The following MDGA2 variants were observed in gnomAD, a reference collection of about 807,000 sequenced individuals.
MDGA2 encodes MAM domain containing glycosylphosphatidylinositol anchor 2.
Under a neutral mutation model 117.8 loss-of-function variants are expected in MDGA2, and 40 were observed. That is an observed-to-expected ratio of 0.34 (90% confidence interval 0.26 to 0.44). The LOEUF is 0.44. Among genes scored for constraint, MDGA2 ranks in the 20% least tolerant of loss-of-function variants. The pLI, the probability that MDGA2 is intolerant of heterozygous loss-of-function variation, is 1.00. For synonymous variants in MDGA2, 452 were observed against 439.0 expected (o/e 1.03, Z -0.37); for missense variants, 1,123 against 1,250.6 (o/e 0.90, Z 1.54).
In MDGA2 at chr14:47,377,770, G is replaced by T. The variant is rs138130424; in HGVS notation, c.281-76220C>A. ...TCAAGGAGGTATGCCCGCCTCTGTAGACTCTAGATCTGGGGGCAGGGCATA... is the reference window on the plus strand; with the variant it reads ...TCAAGGAGGTATGCCCGCCTCTGTATACTCTAGATCTGGGGGCAGGGCATA... On this transcript the variant is annotated intron_variant, in intron 1 of 16. Coordinates refer to ENST00000399232, the MANE Select transcript of MDGA2 (RefSeq NM_001113498.3). 2.1e-3 allele frequency among the ~76,000 whole-genome samples: 316 copies of T among 152,302 alleles called. 1 individual carries two copies. The highest frequency in any genetic ancestry group is 7.1e-3 in the African/African-American group (297 of 41,574).
At chr14:47,050,418 C>T (rs1889416252) in intron 7 of MDGA2, among the ~76,000 whole-genome samples, 1 of 152,008 alleles carries the variant, frequency 6.6e-6, no homozygotes, top group Non-Finnish European at 1.5e-5. Context: ...CTTTGAAATA[C>T]TTCAGCATAT....
chr14:47,329,003 G>T (rs1342800971), intron 1 of MDGA2, among the ~76,000 whole-genome samples: 2 of 152,250 alleles, frequency 1.3e-5, no homozygotes, highest in East Asian at 3.9e-4. Flanking sequence ...AAACTTAATT[G>T]CCTATTTAAT....
chr14:47,132,419 G>A (rs1382298331), intron 4 of MDGA2, among the ~76,000 whole-genome samples: 4 of 151,878 alleles, frequency 2.6e-5, no homozygotes, highest in African/African-American at 7.2e-5. Context: ...AGAAGCATTC[G>A]TGAGTGTTTC....
intron 10 of MDGA2, among the ~76,000 whole-genome samples, chr14:46,898,336 A>G (rs1382716981): frequency 6.6e-6 from 1 of 152,056 alleles, no homozygotes; most frequent in Non-Finnish European, 1.5e-5. Flanking sequence ...GAATATTGAA[A>G]AATAAAATTG....
intron 8 of MDGA2, 25 bp from the exon 9 acceptor site, chr14:46,957,668 G>C: frequency 6.2e-7 from 1 of 1,611,268 alleles, no homozygotes; most frequent in Non-Finnish European, 8.5e-7. Context: ...TGTAAAAACA[G>C]ATGAAAGATG....
At chr14:47,464,144 C>CAGAGCCTCT (rs1400550661) in intron 1 of MDGA2, among the ~76,000 whole-genome samples, 2 of 149,032 alleles carry the variant, frequency 1.3e-5, no homozygotes, top group Admixed American at 6.7e-5. Flanking sequence ...CACACACACA[C>CAGAGCCTCT]AGAGCCTCTG....
intron 8 of MDGA2, among the ~76,000 whole-genome samples, chr14:47,011,677 T>G (rs1027177876): frequency 6.6e-5 from 10 of 152,034 alleles, no homozygotes; most frequent in African/African-American, 1.9e-4. Context: ...AAATGCATAT[T>G]TGTAATAGGC....
At chr14:47,339,986 AAAT>A (rs1374994669) in intron 1 of MDGA2, among the ~76,000 whole-genome samples, 1 of 152,148 alleles carries the variant, frequency 6.6e-6, no homozygotes, top group Non-Finnish European at 1.5e-5. Flanking sequence ...TAGTCCTAAA[AAAT>A]AATAATAGAA....
At chr14:47,498,337 C>T (rs1392950009) in intron 1 of MDGA2, among the ~76,000 whole-genome samples, 1 of 152,168 alleles carries the variant, frequency 6.6e-6, no homozygotes, top group East Asian at 1.9e-4. Flanking sequence ...TAATTATATG[C>T]ATTGCAACTT....
intron 1 of MDGA2, among the ~76,000 whole-genome samples, chr14:47,418,652 T>G (rs12885287): frequency 6.6e-6 from 1 of 152,122 alleles, no homozygotes; most frequent in African/African-American, 2.4e-5. Flanking sequence ...ATATAAATTT[T>G]GGGGGGACTC....
chr14:47,415,587 GA>G (rs543497462), intron 1 of MDGA2, among the ~76,000 whole-genome samples: 3 of 151,592 alleles, frequency 2.0e-5, no homozygotes, highest in Non-Finnish European at 2.9e-5. Context: ...GTGTATATAG[GA>G]AAAAAAACAT....
At position 47,609,456 on chromosome 14, in the gene MDGA2, T is replaced by TATATATATATAG. The variant is rs1434045282; in HGVS notation, c.280+65060_280+65061insCTATATATATAT. 8.2e-4 allele frequency among the ~76,000 whole-genome samples: 90 copies of TATATATATATAG among 110,160 alleles called. 3 individuals carry two copies. The highest frequency in any genetic ancestry group is 1.3e-3 in the Non-Finnish European group (68 of 52,988). The allele number at this position is 110,160 out of a possible 152,430, so 72.3% of individuals were successfully genotyped here. A position where few individuals can be genotyped will look rare whatever the true frequency, so the allele number is the denominator to read the frequency against. ...ATATATATATATATATATATATATA[T>TATATATATATAG]ATATATATAAGTTTCTTTATCTACT... On this transcript the variant is annotated intron_variant, in intron 1 of 16. Transcript: ENST00000399232.
chr14:47,461,872 A>C (rs1237248524), intron 1 of MDGA2, among the ~76,000 whole-genome samples: 1 of 152,166 alleles, frequency 6.6e-6, no homozygotes, highest in African/African-American at 2.4e-5. Flanking sequence ...CAACAATAAC[A>C]AAATAAACCC....
intron 1 of MDGA2, among the ~76,000 whole-genome samples, chr14:47,439,121 T>TA (rs957731748): frequency 3.1e-4 from 47 of 150,516 alleles, no homozygotes; most frequent in Admixed American, 2.1e-3. Context: ...TGGTTAATAA[T>TA]AAAAAAAAAG....
intron 1 of MDGA2, among the ~76,000 whole-genome samples, chr14:47,519,703 T>A (rs567089582): frequency 6.6e-6 from 1 of 152,270 alleles, no homozygotes; most frequent in Non-Finnish European, 1.5e-5. Context: ...TCTTCTGGAG[T>A]CATCTTTTCA....
At chr14:46,881,013 C>CACACACACACAG (rs1170024663) in intron 11 of MDGA2, among the ~76,000 whole-genome samples, 1 of 121,334 alleles carries the variant, frequency 8.2e-6, no homozygotes, top group Non-Finnish European at 1.6e-5. Context: ...ATCACTAACA[C>CACACACACACAG]ACACACACAC....
At chr14:47,434,736 T>A (rs1262491528) in intron 1 of MDGA2, among the ~76,000 whole-genome samples, 1 of 152,154 alleles carries the variant, frequency 6.6e-6, no homozygotes, top group Non-Finnish European at 1.5e-5. Flanking sequence ...TCTAGTTTTA[T>A]TTAGTTATAG....
chr14:47,509,120 T>C lies in MDGA2; in HGVS notation c.280+165397A>G, dbSNP rs897686061. On this transcript the variant is annotated intron_variant, in intron 1 of 16. Transcript: ENST00000399232. ...ACACACACAAGAGAACATGAGAAAG[T>C]AGCTGCCATTTGTACCAGAATGCCG... is the stretch of plus-strand genomic sequence containing the variant. Among the ~76,000 whole-genome samples the C allele has an allele frequency of 3.3e-5, 5 of 152,268 alleles. No homozygotes were observed. In the South Asian group the frequency reaches 1.0e-3, roughly 32 times the overall value.
intron 1 of MDGA2, among the ~76,000 whole-genome samples, chr14:47,550,289 TA>T (rs1895556013): frequency 6.6e-6 from 1 of 152,218 alleles, no homozygotes; most frequent in Admixed American, 6.5e-5. Flanking sequence ...TAAGGCTAAA[TA>T]GCATTTTATT....
Sources: allele counts gnomAD v4.1 joint callset (sites outside exome capture counted in the v4.1 genomes callset), GRCh38; gene constraint gnomAD v4.1.1; transcripts MANE v1.5; gene names NCBI Gene and HGNC (gene_info 2026-07-23, HGNC 2026-07-21).